Variants in MTA3 observed in about 807,000 individuals in gnomAD.
MTA3 encodes metastasis associated 1 family member 3, also known as metastasis-associated protein MTA3.
MTA3 carries 34 observed loss-of-function variants against 83.5 expected under a neutral mutation model. That is an observed-to-expected ratio of 0.41 (90% CI 0.31 to 0.54). The LOEUF is 0.54. MTA3 is among the 20% of genes least tolerant of loss of function. MTA3 has a pLI of 0.33. For synonymous variants in MTA3, 303 were observed against 252.7 expected, an observed-to-expected ratio of 1.20 and a Z score of -1.89; for missense variants, 761 against 726.4, an observed-to-expected ratio of 1.05 and a Z score of -0.55.
intron 4 of MTA3, among the ~76,000 whole-genome samples, chr2:42,622,658 G>A (rs1481297998): frequency 6.6e-6 from 1 of 151,366 alleles, no homozygotes; most frequent in East Asian, 1.9e-4. Flanking sequence ...AAAAATTTTT[G>A]CCTATTTTTT....
chr2:42,523,857 C>G (rs1675542521), intron 2 of MTA3, among the ~76,000 whole-genome samples: 2 of 152,028 alleles, frequency 1.3e-5, no homozygotes. Context: ...GTCAAGGCTG[C>G]AGTGAGCCAT....
intron 15 of MTA3, among the ~76,000 whole-genome samples, chr2:42,720,776 T>C (rs1002583786): frequency 6.6e-6 from 1 of 151,650 alleles, no homozygotes; most frequent in Non-Finnish European, 1.5e-5. Context: ...AGCAAAACCC[T>C]GTCTCTACCA....
At chr2:42,752,902 A>G (rs1234550968) in intron 16 of MTA3, among the ~76,000 whole-genome samples, 1 of 149,714 alleles carries the variant, frequency 6.7e-6, no homozygotes, top group African/African-American at 2.5e-5. Flanking sequence ...TTTCCCTTTG[A>G]TCCAGTGTTA....
chr2:42,588,667 A>G (rs566588569), intron 3 of MTA3, among the ~76,000 whole-genome samples: 7 of 152,256 alleles, frequency 4.6e-5, no homozygotes, highest in African/African-American at 1.4e-4. Context: ...AAGATTATTA[A>G]TTATACTTCT....
chr2:42,716,144 A>G (rs1476035415), intron 14 of MTA3, among the ~76,000 whole-genome samples: 2 of 152,142 alleles, frequency 1.3e-5, no homozygotes, highest in Non-Finnish European at 2.9e-5. Flanking sequence ...GAAAAGCTTC[A>G]TAGCTTAGTA....
intron 16 of MTA3, among the ~76,000 whole-genome samples, chr2:42,729,754 A>AG (rs1668118689): frequency 6.6e-6 from 1 of 152,202 alleles, no homozygotes; most frequent in African/African-American, 2.4e-5. Context: ...CCTTTTGTTC[A>AG]GAATAGCTTT....
intron 4 of MTA3, among the ~76,000 whole-genome samples, chr2:42,635,063 C>G (rs1012897516): frequency 6.6e-6 from 1 of 152,098 alleles, no homozygotes; most frequent in Non-Finnish European, 1.5e-5. Flanking sequence ...AAAAATATTT[C>G]TCACACTTGG....
intron 14 of MTA3, among the ~76,000 whole-genome samples, chr2:42,715,998 A>T (rs1666998367): frequency 6.6e-6 from 1 of 152,212 alleles, no homozygotes; most frequent in Admixed American, 6.5e-5. Flanking sequence ...GAAATTATGT[A>T]GTGTTAACTC....
rs369640405 is a variant in MTA3 at position 42,709,033 on chromosome 2, C to T, written c.1462C>T (p.Arg488Trp). 2.6e-5 allele frequency: 42 copies of T among 1,613,796 alleles called. No homozygotes were observed. The highest frequency in any genetic ancestry group is 4.4e-5 in the South Asian group (4 of 91,078). Residue 488 changes from arginine (R) to tryptophan (W), a missense_variant, in exon 14 of 17, where the codon CGG becomes TGG. Arg to Trp is a moderately radical substitution (Grantham distance 101). Coordinates refer to ENST00000405094, the MANE Select transcript of MTA3 (RefSeq NM_001330442.2). ...TCGTCAGGTCTGCAAAAATACCCTC[C>T]GGCTGCGGCAGGCAGCAAGACGGCC... is the stretch of plus-strand genomic sequence containing the variant. Reference protein sequence around the residue: ...FARQVCKNTLRLRQAARRPFV... With the variant: ...FARQVCKNTLWLRQAARRPFV...
intron 4 of MTA3, among the ~76,000 whole-genome samples, chr2:42,609,877 T>C (rs1402676011): frequency 6.6e-6 from 1 of 152,130 alleles, no homozygotes; most frequent in Non-Finnish European, 1.5e-5. Context: ...GGCGGGCGTA[T>C]CATTTGAGGT....
At chr2:42,516,976 T>G (rs1241221652) in intron 2 of MTA3, among the ~76,000 whole-genome samples, 1 of 151,854 alleles carries the variant, frequency 6.6e-6, no homozygotes, top group Non-Finnish European at 1.5e-5. Context: ...AATAAAAAAT[T>G]TGGCCCGGTG....
In MTA3 at chr2:42,568,849, A is replaced by G. The variant is rs984750263; in HGVS notation, c.28+76A>G. On this transcript the variant is annotated intron_variant, in intron 1 of 16. Coordinates refer to ENST00000405094, the MANE Select transcript of MTA3 (RefSeq NM_001330442.2). ...GGGGGGCCGGGGCGAGTGCACGCCAACTGCCGGGAGCCAAGGGCGCCGGGG... is the reference window on the plus strand; with the variant it reads ...GGGGGGCCGGGGCGAGTGCACGCCAGCTGCCGGGAGCCAAGGGCGCCGGGG... 28 of 1,200,370 alleles carry G rather than the reference A, an allele frequency of 2.3e-5. No individual in the cohort carries two copies. The East Asian group carries it at 3.0e-4, about 13-fold the overall frequency. The allele number at this position is 1,200,370 out of a possible 1,614,324, so 74.4% of individuals were successfully genotyped here. A position where few individuals can be genotyped will look rare whatever the true frequency, so the allele number is the denominator to read the frequency against.
rs1680331404 is a variant in MTA3, at chr2:42,586,541, AC to A, written c.190+7342del. On this transcript the variant is annotated intron_variant, in intron 3 of 16. Coordinates refer to ENST00000405094, the MANE Select transcript of MTA3 (RefSeq NM_001330442.2). Reference sequence around the variant, plus strand: ...ACACACAAAGGAAGGAAAAACACACACACACAAGGAAGGAAAACACACACAC... The same window carrying A: ...ACACACAAAGGAAGGAAAAACACACAACACAAGGAAGGAAAACACACACAC... Among the ~76,000 whole-genome samples, 24 of 145,150 alleles carry A rather than the reference AC, an allele frequency of 1.7e-4. 1 individual carries two copies. Among genetic ancestry groups the A allele is most frequent in the African/African-American group, 5.6e-4 (22 of 39,186 alleles).
At position 42,584,651 on chromosome 2, in the gene MTA3, C is replaced by T. The variant is rs140483079; in HGVS notation, c.190+5451C>T. 4.6e-3 allele frequency among the ~76,000 whole-genome samples: 695 copies of T among 151,674 alleles called. 5 individuals are homozygous for T. Among genetic ancestry groups the T allele is most frequent in the African/African-American group, 0.016 (668 of 41,344 alleles). On this transcript the variant is annotated intron_variant, in intron 3 of 16. Transcript: ENST00000405094. ...GCTGAGGCAGGATGATTACATGAGC[C>T]CAGGAATTAGATACCAGCCTGGACA...
chr2:42,667,760 A>G (rs1046688215), intron 8 of MTA3, among the ~76,000 whole-genome samples: 14 of 152,016 alleles, frequency 9.2e-5, no homozygotes, highest in Admixed American at 2.0e-4. Flanking sequence ...TGAGCCTACC[A>G]AGTATTAATA....
rs1670112121 is a variant in MTA3, at chr2:42,754,595, G to T, written c.*1196G>T. On this transcript the variant is annotated 3_prime_UTR_variant, in exon 17 of 17. Coordinates refer to ENST00000405094, the MANE Select transcript of MTA3 (RefSeq NM_001330442.2). ...CAGCGCCCGATGAGCTCCCTGAGCA[G>T]ATGTGAGGCTGGCAACTCCCCTGCC... 8.1e-6 allele frequency: 8 copies of T among 985,502 alleles called. No homozygotes were observed. Among genetic ancestry groups the T allele is most frequent in the Non-Finnish European group, 9.6e-6 (8 of 829,978 alleles). The allele number at this position is 985,502 out of a possible 1,614,324, so 61.0% of individuals were successfully genotyped here. A position where few individuals can be genotyped will look rare whatever the true frequency, so the allele number is the denominator to read the frequency against.
At position 42,609,579 on chromosome 2, in the gene MTA3, T is replaced by G; in HGVS notation, c.312T>G (p.His104Gln). 1 of 1,613,362 alleles carries G rather than the reference T, an allele frequency of 6.2e-7. No homozygotes were observed. The highest frequency in any genetic ancestry group is 8.5e-7 in the Non-Finnish European group (1 of 1,179,580). The change falls in exon 4 of 17, where the codon CAT (histidine) becomes CAG (glutamine). Residue 104 changes from histidine (H) to glutamine (Q), a missense_variant. His to Gln is a conservative substitution (Grantham distance 24, BLOSUM62 0). Transcript: ENST00000405094. ...SRQYESLPAT[H>Q]IRGKCSVALL... ...AGTATGAATCTCTGCCCGCAACACA[T>G]ATCAGGTAAGAACTTTTTAGGAACT...
chr2:42,545,739 G>A (rs1166013542), intron 2 of MTA3, among the ~76,000 whole-genome samples: 1 of 152,182 alleles, frequency 6.6e-6, no homozygotes, highest in Non-Finnish European at 1.5e-5. Flanking sequence ...GTACCTTAAA[G>A]AAGCTTGGGA....
chr2:42,736,899 A>T lies in MTA3; in HGVS notation c.1759+13864A>T, dbSNP rs527462003. On this transcript the variant is annotated intron_variant, in intron 16 of 16. Transcript: ENST00000405094. Reference sequence around the variant, plus strand: ...AGGCAGTGGGCTTTCTTCCTGCTTGAAGTGTGTTTTCAAATGTCATCTGGG... The same window carrying T: ...AGGCAGTGGGCTTTCTTCCTGCTTGTAGTGTGTTTTCAAATGTCATCTGGG... Among the ~76,000 whole-genome samples, 3 of 152,208 alleles carry T rather than the reference A, an allele frequency of 2.0e-5. 1 individual carries two copies. The highest frequency in any genetic ancestry group is 4.1e-4 in the South Asian group (2 of 4,820).
Sources: gnomAD v4.1 joint callset for allele counts (sites outside exome capture counted in the v4.1 genomes callset) on GRCh38, gnomAD v4.1.1 for gene constraint, MANE v1.5 for transcripts, NCBI Gene and HGNC (gene_info 2026-07-23, HGNC 2026-07-21) for gene names.